Variants in ATP11A observed in about 807,000 individuals in gnomAD.
ATP11A encodes phospholipid-transporting ATPase IH.
Under a neutral mutation model 154.4 loss-of-function variants are expected in ATP11A, and 81 were observed. The ratio of observed to expected loss-of-function variants is 0.52; its 90% CI spans 0.44 to 0.63. ATP11A has a LOEUF of 0.63. Ranked by LOEUF, ATP11A falls within the 30% of genes least tolerant of loss-of-function variation. The pLI is 0.00. For missense variants in ATP11A, 1,316 were observed against 1,474.3 expected, an observed-to-expected ratio of 0.89 and a Z score of 1.76; for synonymous variants, 623 against 585.9, an observed-to-expected ratio of 1.06 and a Z score of -0.91.
Position 112,766,162 on chromosome 13 carries a change from G to C in ATP11A, c.40-18973G>C, listed in dbSNP as rs12323136. ...CCTGCTTGAGGAAGGAACGGTGGTG[G>C]AGACGGACTTCTTATTCTTCCGACG... On this transcript the variant is annotated intron_variant, in intron 1 of 29. Transcript: ENST00000375645. Among the ~76,000 whole-genome samples the C allele has an allele frequency of 5.4e-3, 819 of 152,294 alleles. 7 individuals are homozygous for C. Among genetic ancestry groups the C allele is most frequent in the African/African-American group, 0.019 (780 of 41,564 alleles).
intron 14 of ATP11A, 44 bp from the exon 15 acceptor site, chr13:112,834,545 A>G: frequency 7.7e-7 from 1 of 1,293,040 alleles, no homozygotes; most frequent in South Asian, 1.2e-5. Flanking sequence ...AAAGAGGAAC[A>G]TCAGAATCTC....
At chr13:112,834,488 T>G (rs1473842086) in intron 14 of ATP11A, 101 bp from the exon 15 acceptor site, 1 of 764,036 alleles carries the variant, frequency 1.3e-6, no homozygotes, top group East Asian at 2.5e-5. Flanking sequence ...AAAGTATTTC[T>G]TTTTTGAAAA....
At chr13:112,738,068 G>A (rs1594481831) in intron 1 of ATP11A, among the ~76,000 whole-genome samples, 2 of 152,050 alleles carry the variant, frequency 1.3e-5, no homozygotes, top group African/African-American at 2.4e-5. Flanking sequence ...TCTTTGCCTC[G>A]GGTTGAAATA....
At chr13:112,869,423 TAGAA>T (rs1465388105) in intron 25 of ATP11A, among the ~76,000 whole-genome samples, 1 of 152,180 alleles carries the variant, frequency 6.6e-6, no homozygotes, top group African/African-American at 2.4e-5. Flanking sequence ...GCTGGGAGCT[TAGAA>T]AGGCAGTTTC....
chr13:112,772,213 A>G (rs574709646), intron 1 of ATP11A, among the ~76,000 whole-genome samples: 1 of 152,334 alleles, frequency 6.6e-6, no homozygotes, highest in East Asian at 1.9e-4. Flanking sequence ...ACAGTGCTCT[A>G]TATACTATAT....
At chr13:112,881,279 T>A in intron 29 of ATP11A, 1 of 992,744 alleles carries the variant, frequency 1.0e-6, no homozygotes, top group South Asian at 4.6e-5. Flanking sequence ...CCCAGTGGGC[T>A]GTCAGAAGCC....
At position 112,785,346 on chromosome 13, in the gene ATP11A, C is replaced by G; in HGVS notation, c.162+89C>G. The G allele has an allele frequency of 7.6e-7, 1 of 1,319,858 alleles. No homozygotes were observed. The highest frequency in any genetic ancestry group is 9.8e-7 in the Non-Finnish European group (1 of 1,021,816). 81.8% of individuals were successfully genotyped at this position (1,319,858 alleles called of 1,614,324 possible). ...TGCTTCTCGGTTTCAAAGAGCGGCT[C>G]TGCTCCTGGCCCTGCTGTCACAGCC... On this transcript the variant is annotated intron_variant, in intron 2 of 29. Transcript: ENST00000375645. The surrounding 1 kb of genome is among the most constrained non-coding windows in gnomAD (Gnocchi z 4.8).
chr13:112,802,075 C>T (rs1038890187), intron 2 of ATP11A, among the ~76,000 whole-genome samples: 12 of 152,032 alleles, frequency 7.9e-5, no homozygotes, highest in South Asian at 2.1e-4. Context: ...CTGGGCGTGG[C>T]GGCTCACACC....
intron 4 of ATP11A, among the ~76,000 whole-genome samples, chr13:112,808,104 G>A (rs1182847938): frequency 6.6e-6 from 1 of 151,996 alleles, no homozygotes; most frequent in African/African-American, 2.4e-5. Context: ...CGGGGAGCCC[G>A]AGCCCCCATG....
At chr13:112,732,492 CCATCTCTCTCCAGCTG>C (rs1358669615) in intron 1 of ATP11A, among the ~76,000 whole-genome samples, 5 of 151,914 alleles carry the variant, frequency 3.3e-5, no homozygotes, top group Non-Finnish European at 7.4e-5. Flanking sequence ...CTCTCCAGCT[CCATCTCTCTCCAGCTG>C]CATCTCTCTG....
chr13:112,698,420 C>T (rs1255761772), intron 1 of ATP11A, among the ~76,000 whole-genome samples: 1 of 152,228 alleles, frequency 6.6e-6, no homozygotes, highest in African/African-American at 2.4e-5. Context: ...GCTTTAGCTG[C>T]TGCATGCTTT....
At chr13:112,817,057 A>C (rs2078665315) in intron 6 of ATP11A, among the ~76,000 whole-genome samples, 1 of 152,214 alleles carries the variant, frequency 6.6e-6, no homozygotes, top group African/African-American at 2.4e-5. Flanking sequence ...AAAATTCTGC[A>C]CAGGCAGTTG....
At chr13:112,716,646 C>G (rs1888490747) in intron 1 of ATP11A, among the ~76,000 whole-genome samples, 1 of 152,148 alleles carries the variant, frequency 6.6e-6, no homozygotes, top group Non-Finnish European at 1.5e-5. Context: ...GGTCCTGACT[C>G]TCACCCATGT....
chr13:112,869,659 C>T (rs1437049522), intron 25 of ATP11A, among the ~76,000 whole-genome samples: 1 of 152,294 alleles, frequency 6.6e-6, no homozygotes. Context: ...CCTCCAGGCC[C>T]AGCTGATGTG....
At chr13:112,702,102 T>C (rs1404658864) in intron 1 of ATP11A, among the ~76,000 whole-genome samples, 2 of 151,708 alleles carry the variant, frequency 1.3e-5, no homozygotes, top group Non-Finnish European at 2.9e-5. Context: ...TCCCAGCACT[T>C]TGGGAGGCCG....
chr13:112,718,454 G>A (rs1888745908), intron 1 of ATP11A, among the ~76,000 whole-genome samples: 3 of 152,224 alleles, frequency 2.0e-5, no homozygotes, highest in South Asian at 2.1e-4. Flanking sequence ...CAACTGTGCC[G>A]CCTGCCGCAA....
intron 1 of ATP11A, among the ~76,000 whole-genome samples, chr13:112,771,015 G>A (rs2077213671): frequency 6.6e-6 from 1 of 152,212 alleles, no homozygotes; most frequent in Non-Finnish European, 1.5e-5. Flanking sequence ...GCCCCGCGGT[G>A]TAATTCAGCT....
chr13:112,803,654 A>G (rs534773222), intron 2 of ATP11A, among the ~76,000 whole-genome samples: 1 of 150,288 alleles, frequency 6.7e-6, no homozygotes, highest in African/African-American at 2.4e-5. Flanking sequence ...TGTGGAGAGG[A>G]GATGCTGTGG....
intron 19 of ATP11A, 85 bp from the exon 20 acceptor site, chr13:112,855,826 C>G: frequency 7.9e-7 from 1 of 1,261,432 alleles, no homozygotes; most frequent in Admixed American, 2.5e-5. Flanking sequence ...TTTGTAGCAT[C>G]TGTCGATATC....
Sources: gnomAD v4.1 joint callset for allele counts (sites outside exome capture counted in the v4.1 genomes callset) on GRCh38, gnomAD v4.1.1 for gene constraint, Gnocchi (gnomAD v3.1) non-coding constraint, MANE v1.5 for transcripts, NCBI Gene and HGNC (gene_info 2026-07-23, HGNC 2026-07-21) for gene names.